The following JPH3 variants were observed in gnomAD, a reference collection of about 807,000 sequenced individuals.
JPH3 encodes junctophilin-3.
JPH3 carries 11 observed loss-of-function variants against 59.6 expected under a neutral mutation model. The ratio of observed to expected loss-of-function variants is 0.18; its 90% CI spans 0.12 to 0.31. The LOEUF is 0.31. Among genes scored for constraint, JPH3 ranks in the 10% least tolerant of loss-of-function variants. The pLI is 1.00. For synonymous variants in JPH3, 673 were observed against 483.6 expected (o/e 1.39, Z -5.14); for missense variants, 1,202 against 1,105.7 (o/e 1.09, Z -1.24).
intron 2 of JPH3, among the ~76,000 whole-genome samples, chr16:87,662,412 A>C (rs1246975852): frequency 6.9e-6 from 1 of 144,980 alleles, no homozygotes; most frequent in African/African-American, 2.6e-5. Flanking sequence ...TGACTTCACT[A>C]GGCTCGCGTC....
intron 2 of JPH3, among the ~76,000 whole-genome samples, chr16:87,658,206 C>T (rs1075573): frequency 0.66 from 101,067 of 152,044 alleles, 34,225 homozygotes; most frequent in African/African-American, 0.78. Context: ...GCTACTATAG[C>T]GACCTCCTGA....
chr16:87,675,920 C>A (rs1462667653), intron 2 of JPH3, among the ~76,000 whole-genome samples: 1 of 152,224 alleles, frequency 6.6e-6, no homozygotes, highest in African/African-American at 2.4e-5. Context: ...CTCTGTAATT[C>A]CTTTCTGAAA....
chr16:87,635,621 C>T (rs1024165423), intron 1 of JPH3, among the ~76,000 whole-genome samples: 1 of 152,212 alleles, frequency 6.6e-6, no homozygotes, highest in Non-Finnish European at 1.5e-5. Context: ...CCTGGCAGAA[C>T]AGGAAGGGAG....
At position 87,604,717 on chromosome 16, in the gene JPH3, T is replaced by C. The variant is rs539793483; in HGVS notation, c.382+1189T>C. 1.8e-5 allele frequency: 19 copies of C among 1,060,524 alleles called. No homozygotes were observed. In the East Asian group the frequency reaches 2.6e-4, roughly 14 times the overall value. The allele number at this position is 1,060,524 out of a possible 1,614,324, so 65.7% of individuals were successfully genotyped here. A position where few individuals can be genotyped will look rare whatever the true frequency, so the allele number is the denominator to read the frequency against. ...CCTGCTCCACGGCCACATCCAGGAG[T>C]GGCAGGGGGCTGGAGAGTAATTATT... On this transcript the variant is annotated intron_variant, in intron 1 of 4. Coordinates refer to ENST00000284262, the MANE Select transcript of JPH3 (RefSeq NM_020655.4).
intron 1 of JPH3, among the ~76,000 whole-genome samples, chr16:87,621,526 A>C (rs1281953592): frequency 6.6e-6 from 1 of 152,188 alleles, no homozygotes; most frequent in Non-Finnish European, 1.5e-5. Flanking sequence ...CCCAGGCCCC[A>C]GGGCTTCCCC....
intron 1 of JPH3, among the ~76,000 whole-genome samples, chr16:87,609,325 GGA>G (rs1255419862): frequency 6.6e-6 from 1 of 152,182 alleles, no homozygotes; most frequent in East Asian, 1.9e-4. Flanking sequence ...GGAGTGCAGT[GGA>G]GTGATCTTGG....
At chr16:87,632,390 C>G (rs1210585181) in intron 1 of JPH3, among the ~76,000 whole-genome samples, 1 of 152,152 alleles carries the variant, frequency 6.6e-6, no homozygotes, top group Non-Finnish European at 1.5e-5. Context: ...AGAAAACTCT[C>G]TTCCTTTCAT....
At chr16:87,661,385 G>A (rs1049619117) in intron 2 of JPH3, among the ~76,000 whole-genome samples, 4 of 152,244 alleles carry the variant, frequency 2.6e-5, no homozygotes, top group Non-Finnish European at 5.9e-5. Flanking sequence ...GGACATCTTT[G>A]AGGGCTGTGT....
At position 87,689,469 on chromosome 16, in the gene JPH3, A is replaced by G. The variant is rs544028071; in HGVS notation, c.1286-177A>G. ...GTGGGGTGGGGACCACGGGGGTCCC[A>G]CAGAGGGCTTTGGGAGCCACGGTCC... On this transcript the variant is annotated intron_variant, in intron 3 of 4. Coordinates refer to ENST00000284262, the MANE Select transcript of JPH3 (RefSeq NM_020655.4). Among the ~76,000 whole-genome samples the G allele has an allele frequency of 3.9e-5, 6 of 152,032 alleles. No homozygotes were observed. In the South Asian group the frequency reaches 8.3e-4, roughly 21 times the overall value.
At chr16:87,678,464 G>C (rs2033205071) in intron 2 of JPH3, among the ~76,000 whole-genome samples, 1 of 151,950 alleles carries the variant, frequency 6.6e-6, no homozygotes, top group Non-Finnish European at 1.5e-5. Flanking sequence ...TCTTGAACCT[G>C]TGAGAAAGAG....
At chr16:87,660,571 C>T (rs989051615) in intron 2 of JPH3, among the ~76,000 whole-genome samples, 1 of 152,194 alleles carries the variant, frequency 6.6e-6, no homozygotes, top group East Asian at 1.9e-4. Context: ...CAGGGTCTGG[C>T]ACATGTCCGT....
intron 1 of JPH3, among the ~76,000 whole-genome samples, chr16:87,616,956 G>T (rs1384566811): frequency 6.6e-6 from 1 of 152,238 alleles, no homozygotes; most frequent in Non-Finnish European, 1.5e-5. Flanking sequence ...TGGGCTCCGT[G>T]GCTCACGCCT....
intron 3 of JPH3, among the ~76,000 whole-genome samples, chr16:87,688,288 A>G (rs908019857): frequency 3.9e-5 from 6 of 152,172 alleles, no homozygotes; most frequent in Non-Finnish European, 7.4e-5. Context: ...GGCCAGGGCC[A>G]TGGCCTCGCT....
chr16:87,685,411 G>A (rs1431517367), intron 3 of JPH3, among the ~76,000 whole-genome samples: 2 of 152,260 alleles, frequency 1.3e-5, no homozygotes, highest in African/African-American at 2.4e-5. Context: ...ACGTGCCCCT[G>A]TGGCCATTGG....
chr16:87,694,854 G>C (rs1287731898), intron 4 of JPH3: 1 of 185,974 alleles, frequency 5.4e-6, no homozygotes, highest in East Asian at 1.4e-4. Context: ...CTTTCTGCCT[G>C]GTGCCCAGCT....
intron 2 of JPH3, among the ~76,000 whole-genome samples, chr16:87,645,707 A>C (rs67418572): frequency 0.2 from 30,009 of 151,988 alleles, 3,488 homozygotes; most frequent in East Asian, 0.36. Flanking sequence ...GGGTACCTTT[A>C]GGGGTGGGTG....
chr16:87,642,048 G>C (rs897434579), intron 1 of JPH3, among the ~76,000 whole-genome samples: 2 of 152,150 alleles, frequency 1.3e-5, no homozygotes, highest in Non-Finnish European at 2.9e-5. Flanking sequence ...AGAGAGGAGA[G>C]AGCGTGAACA....
At chr16:87,631,931 A>G (rs1303117906) in intron 1 of JPH3, among the ~76,000 whole-genome samples, 1 of 152,130 alleles carries the variant, frequency 6.6e-6, no homozygotes, top group African/African-American at 2.4e-5. Flanking sequence ...CTGAGGATTT[A>G]AATTCTGGTC....
At chr16:87,647,316 A>G (rs2032185299) in intron 2 of JPH3, among the ~76,000 whole-genome samples, 1 of 151,690 alleles carries the variant, frequency 6.6e-6, no homozygotes, top group Non-Finnish European at 1.5e-5. Flanking sequence ...GACGCTGGCC[A>G]GCCAGCCTTG....
Sources: allele counts gnomAD v4.1 joint callset (sites outside exome capture counted in the v4.1 genomes callset), GRCh38; gene constraint gnomAD v4.1.1; transcripts MANE v1.5; gene names NCBI Gene and HGNC (gene_info 2026-07-23, HGNC 2026-07-21).